Variants in ODF2 observed in about 807,000 individuals in gnomAD.
The protein encoded by ODF2 is outer dense fiber of sperm tails 2.
Under a neutral mutation model 110.2 loss-of-function variants are expected in ODF2, and 47 were observed. The ratio of observed to expected loss-of-function variants is 0.43; its 90% CI spans 0.34 to 0.54. The LOEUF is 0.54. Among genes scored for constraint, ODF2 ranks in the 20% least tolerant of loss-of-function variants. The probability of loss-of-function intolerance (pLI) is 0.03; values close to 1 mark genes in which losing one functional copy is unlikely to be tolerated. For missense variants in ODF2, 812 were observed against 1,054.5 expected, an observed-to-expected ratio of 0.77 and a Z score of 3.19; for synonymous variants, 352 against 397.7, an observed-to-expected ratio of 0.89 and a Z score of 1.37.
rs533246171 is a variant in ODF2, at chr9:128,494,585, C to T, written c.1828C>T (p.Leu610=). ...CATCCTGAAGATCACGGAGGCGAAG[C>T]TGGCTGAGTGCCAAGACCAACTGCA... Residue 610 remains leucine, a synonymous_variant, in exon 17 of 21, where the codon CTG becomes TTG. Coordinates refer to ENST00000604420, the Ensembl canonical transcript of ODF2. This position sits in a 1 kb window ranked among gnomAD's most constrained non-coding sequence, Gnocchi z 4.6. The T allele has an allele frequency of 2.5e-6, 4 of 1,614,202 alleles. No individual in the cohort carries two copies. In the Admixed American group the frequency reaches 6.7e-5, roughly 27 times the overall value.
exon 21 of ODF2, chr9:128,500,281 T>C: frequency 6.2e-7 from 1 of 1,611,330 alleles, no homozygotes; most frequent in Non-Finnish European, 8.5e-7. Context: ...CCTGGAGCCC[T>C]GATGGAAGCC....
chr9:128,487,197 T>G (rs1463283501), intron 13 of ODF2, among the ~76,000 whole-genome samples: 1 of 152,176 alleles, frequency 6.6e-6, no homozygotes, highest in Non-Finnish European at 1.5e-5. Flanking sequence ...TCCTCCCACC[T>G]TGGCCTCCCA....
At chr9:128,464,893 C>A (rs1837430588) in intron 4 of ODF2, among the ~76,000 whole-genome samples, 1 of 39,052 alleles carries the variant, frequency 2.6e-5, no homozygotes, top group Non-Finnish European at 5.0e-5. Flanking sequence ...CGGGGTTTCA[C>A]CGTTTTAGCC....
intron 3 of ODF2, 46 bp from the exon 4 acceptor site, chr9:128,460,896 G>C: frequency 1.2e-6 from 2 of 1,613,250 alleles, no homozygotes; most frequent in Non-Finnish European, 8.5e-7. Context: ...GTGGCACCGT[G>C]GCCAGCTGGG....
chr9:128,455,379 G>A (rs1039396375), upstream of ODF2: 4 of 533,618 alleles, frequency 7.5e-6, no homozygotes, highest in African/African-American at 4.1e-5. Flanking sequence ...GTGAAACCCC[G>A]TCTCTACTAA....
At chr9:128,497,442 AAAAAATATATATATATATAT>A (rs1161599012) in intron 18 of ODF2, 2 of 83,258 alleles carry the variant, frequency 2.4e-5, no homozygotes, top group African/African-American at 1.7e-4. Flanking sequence ...AAAAAAAAAA[AAAAAATATATATATATATAT>A]ATATATATAT....
intron 18 of ODF2, 185 bp downstream of exon 18, chr9:128,496,326 CCT>C (rs1235900763): frequency 1.1e-5 from 16 of 1,462,124 alleles, no homozygotes; most frequent in Middle Eastern, 2.2e-4. Flanking sequence ...AGCAAGGGGG[CCT>C]CTCAGCCTGG....
chr9:128,481,734 T>A, intron 9 of ODF2, 83 bp downstream of exon 9: 4 of 1,133,630 alleles, frequency 3.5e-6, no homozygotes, highest in Non-Finnish European at 5.2e-6. Context: ...GGTGCTTGGA[T>A]CAAGGCAGGA....
intron 15 of ODF2, 66 bp from the exon 16 acceptor site, chr9:128,492,635 A>G: frequency 1.3e-6 from 2 of 1,549,988 alleles, no homozygotes; most frequent in South Asian, 1.1e-5. Context: ...AGGGTTGGGT[A>G]TGGAAGATGG....
chr9:128,457,395 G>C (rs767077912), exon 2 of ODF2: 1 of 1,613,236 alleles, frequency 6.2e-7, no homozygotes, highest in South Asian at 1.1e-5. Context: ...TTGCGGCTTT[G>C]ATGCCTAGCC....
intron 9 of ODF2, among the ~76,000 whole-genome samples, chr9:128,482,007 T>G (rs1229109592): frequency 6.6e-6 from 1 of 152,208 alleles, no homozygotes; most frequent in Non-Finnish European, 1.5e-5. Flanking sequence ...ATCCTAATTC[T>G]AGGAATCTCT....
At chr9:128,475,867 A>G (rs1841153286) in intron 8 of ODF2, among the ~76,000 whole-genome samples, 1 of 151,564 alleles carries the variant, frequency 6.6e-6, no homozygotes, top group Non-Finnish European at 1.5e-5. Flanking sequence ...GATGGTCTCG[A>G]TCTCTTGACC....
intron 13 of ODF2, among the ~76,000 whole-genome samples, chr9:128,486,628 C>T (rs931252830): frequency 5.3e-5 from 8 of 152,224 alleles, no homozygotes; most frequent in African/African-American, 1.7e-4. Context: ...AGTCTCTGCT[C>T]TTTGACTGAT....
intron 20 of ODF2, among the ~76,000 whole-genome samples, chr9:128,499,598 C>CGTTTTGTTTTGTTTTGTTTTGTTTT (rs113483745): frequency 8.6e-5 from 13 of 151,714 alleles, no homozygotes; most frequent in African/African-American, 2.9e-4. Flanking sequence ...CCCAGACTCA[C>CGTTTTGTTTTGTTTTGTTTTGTTTT]GTTTTGTTTT....
chr9:128,498,906 G>A, intron 19 of ODF2, 95 bp from the exon 20 acceptor site: 2 of 1,513,210 alleles, frequency 1.3e-6, no homozygotes, highest in Non-Finnish European at 9.1e-7. Context: ...TGCAAGTGCT[G>A]TCTGCAAGAC....
chr9:128,470,915 GTT>G (rs59215056), intron 5 of ODF2, among the ~76,000 whole-genome samples: 3,856 of 139,402 alleles, frequency 0.028, 166 homozygotes, highest in African/African-American at 0.095. Context: ...TTTTGTTTTT[GTT>G]TTTTTTTTTT....
At chr9:128,457,947 T>TA (rs1835364046) in intron 2 of ODF2, among the ~76,000 whole-genome samples, 1 of 143,830 alleles carries the variant, frequency 7.0e-6, no homozygotes, top group Non-Finnish European at 1.5e-5. Flanking sequence ...ATATATATTT[T>TA]TTTTTTTTCC....
Position 128,499,148 on chromosome 9 carries a change from G to C in ODF2, c.2301+22G>C, listed in dbSNP as rs749507345. ...TGATGTGAGTCAGGCTGGTGGGCCG[G>C]GCTAGGAGAGTGGGCAGCAGACCTA... is the stretch of plus-strand genomic sequence containing the variant. On this transcript the variant is annotated intron_variant, in intron 20 of 20. Coordinates refer to ENST00000604420, the Ensembl canonical transcript of ODF2. The C allele has an allele frequency of 3.1e-6, 5 of 1,613,854 alleles. No homozygotes were observed. The South Asian group carries it at 3.3e-5, about 11-fold the overall frequency.
chr9:128,498,235 C>A, intron 18 of ODF2, 178 bp from the exon 19 acceptor site: 1 of 897,004 alleles, frequency 1.1e-6, no homozygotes, highest in Non-Finnish European at 1.6e-6. Flanking sequence ...GTTGCTCCAG[C>A]TGCACAGTTC....
Sources: allele counts gnomAD v4.1 joint callset (sites outside exome capture counted in the v4.1 genomes callset), GRCh38; gene constraint gnomAD v4.1.1; non-coding constraint Gnocchi (gnomAD v3.1); transcripts MANE v1.5; gene names NCBI Gene and HGNC (gene_info 2026-07-23, HGNC 2026-07-21).